The following ABI3BP variants were observed in gnomAD, a reference collection of about 807,000 sequenced individuals.
ABI3BP encodes the protein target of Nesh-SH3.
Under a neutral mutation model 268.6 loss-of-function variants are expected in ABI3BP, and 216 were observed. The ratio of observed to expected loss-of-function variants is 0.80; its 90% confidence interval spans 0.72 to 0.90. The LOEUF (loss-of-function observed/expected upper bound fraction) is 0.90. Ranked by LOEUF, ABI3BP falls within the 40% of genes least tolerant of loss-of-function variation. The pLI is 0.00. For synonymous variants in ABI3BP, 730 were observed against 730.0 expected, an observed-to-expected ratio of 1.00 and a Z score of 0.00; for missense variants, 2,090 against 2,182.4, an observed-to-expected ratio of 0.96 and a Z score of 0.84.
At chr3:100,962,521 T>C (rs936213127) in intron 1 of ABI3BP, among the ~76,000 whole-genome samples, 1 of 152,216 alleles carries the variant, frequency 6.6e-6, no homozygotes, top group Non-Finnish European at 1.5e-5. Flanking sequence ...TTGCTCCCTC[T>C]TCTCTCCTTC....
At chr3:100,854,566 G>C (rs1197014966) in intron 14 of ABI3BP, among the ~76,000 whole-genome samples, 5 of 152,166 alleles carry the variant, frequency 3.3e-5, no homozygotes, top group African/African-American at 1.2e-4. Flanking sequence ...AGAGTTAAGG[G>C]TGAACCCTTC....
chr3:100,878,806 C>T (rs1430109730), intron 6 of ABI3BP, among the ~76,000 whole-genome samples: 3 of 96,978 alleles, frequency 3.1e-5, no homozygotes, highest in East Asian at 3.3e-4. Flanking sequence ...CCAGCAAAAG[C>T]GTTGCTGGCA....
At chr3:100,990,030 A>T (rs1406694051) in intron 1 of ABI3BP, among the ~76,000 whole-genome samples, 1 of 152,200 alleles carries the variant, frequency 6.6e-6, no homozygotes. Context: ...TCCACAGGGT[A>T]ATGTTGGCCA....
chr3:100,829,805 CT>C, intron 32 of ABI3BP, 141 bp from the exon 33 acceptor site: 1 of 596,586 alleles, frequency 1.7e-6, no homozygotes, highest in Non-Finnish European at 2.9e-6. Context: ...AATACAGTGT[CT>C]CTTTTTATCA....
chr3:100,931,331 G>A (rs895919430), intron 1 of ABI3BP, among the ~76,000 whole-genome samples: 1 of 151,982 alleles, frequency 6.6e-6, no homozygotes, highest in African/African-American at 2.4e-5. Context: ...ACATAGTACT[G>A]GAAGTCTTAG....
Position 100,813,668 on chromosome 3 carries a change from A to G in ABI3BP, c.3357T>C (p.Ser1119=). 1 of 1,534,938 alleles carries G rather than the reference A, an allele frequency of 6.5e-7. No homozygotes were observed. Among genetic ancestry groups the G allele is most frequent in the East Asian group, 2.4e-5 (1 of 40,870 alleles). ...ATAAAACAATCTATTTACCAGGTTG[A>G]CTTTCTGTCATTTCTAGGCTTGGTG... is the stretch of plus-strand genomic sequence containing the variant. ...VTSPSLEMTE[S]QPVSDVLESV... is the part of the protein sequence containing the mutation. Residue 1119 remains serine, a synonymous_variant, in exon 45 of 68, where the codon AGT becomes AGC. Transcript: ENST00000471714.
intron 21 of ABI3BP, 58 bp from the exon 22 acceptor site, chr3:100,840,916 G>A: frequency 1.2e-5 from 16 of 1,387,174 alleles, no homozygotes; most frequent in Non-Finnish European, 1.5e-5. Flanking sequence ...AAAATGACAT[G>A]TATTTAAAAC....
chr3:100,776,898 G>A (rs1397613001), intron 59 of ABI3BP, among the ~76,000 whole-genome samples: 1 of 152,160 alleles, frequency 6.6e-6, no homozygotes, highest in African/African-American at 2.4e-5. Flanking sequence ...TCTGGAGGGG[G>A]CCCCCAAGTG....
intron 1 of ABI3BP, among the ~76,000 whole-genome samples, chr3:100,968,173 T>C (rs1280217579): frequency 3.3e-5 from 5 of 152,210 alleles, no homozygotes; most frequent in African/African-American, 4.8e-5. Flanking sequence ...TACTATAATA[T>C]ACAGCTTTGA....
intron 4 of ABI3BP, among the ~76,000 whole-genome samples, chr3:100,897,503 T>G (rs1473414423): frequency 6.6e-6 from 1 of 152,184 alleles, no homozygotes; most frequent in African/African-American, 2.4e-5. Flanking sequence ...GAATGAATTA[T>G]TGATATCCGC....
intron 2 of ABI3BP, among the ~76,000 whole-genome samples, chr3:100,915,512 T>C (rs1257234171): frequency 1.3e-5 from 2 of 151,964 alleles, no homozygotes; most frequent in Non-Finnish European, 2.9e-5. Flanking sequence ...GGATGGGAAG[T>C]AGAAGGCAGC....
chr3:100,775,042 G>A (rs780496650), intron 60 of ABI3BP, among the ~76,000 whole-genome samples, 165 bp downstream of exon 60: 3 of 152,252 alleles, frequency 2.0e-5, no homozygotes, highest in South Asian at 2.1e-4. Flanking sequence ...CTCTATAAGG[G>A]AGTGTTGAAA....
chr3:100,840,741 A>G (rs1296412791), intron 22 of ABI3BP, 79 bp downstream of exon 22: 1 of 1,280,342 alleles, frequency 7.8e-7, no homozygotes, highest in Non-Finnish European at 1.1e-6. Context: ...GTATTAATTC[A>G]TTAATGTGAG....
rs552258119 is a variant in ABI3BP at position 100,829,276 on chromosome 3, A to C, written c.2542+305T>G. On this transcript the variant is annotated intron_variant, in intron 33 of 67. Transcript: ENST00000471714. ...TGCCTTAGATCCTTATTTGTGACTTACGTGACTCCTATAGTTAACAAGAAA... is the reference window on the plus strand; with the variant it reads ...TGCCTTAGATCCTTATTTGTGACTTCCGTGACTCCTATAGTTAACAAGAAA... Among the ~76,000 whole-genome samples the C allele has an allele frequency of 6.6e-5, 10 of 152,282 alleles. No individual in the cohort carries two copies. The South Asian group carries it at 1.9e-3, about 28-fold the overall frequency.
rs1183154170 is a variant in ABI3BP, at chr3:100,922,552, G to GCGA, written c.259+3749_259+3750insTCG. On this transcript the variant is annotated intron_variant, in intron 2 of 67. Coordinates refer to ENST00000471714, the MANE Select transcript of ABI3BP (RefSeq NM_001375547.2). ...GGTGATGGTGATGGTGATGGTGATG[G>GCGA]TGATGGCGATGGCGATGGCGATGGT... Among the ~76,000 whole-genome samples, 121 of 151,704 alleles carry GCGA rather than the reference G, an allele frequency of 8.0e-4. No individual in the cohort carries two copies. The Middle Eastern group carries it at 0.01, about 13-fold the overall frequency.
intron 1 of ABI3BP, among the ~76,000 whole-genome samples, chr3:100,941,982 A>G (rs897957958): frequency 2.6e-5 from 4 of 152,122 alleles, no homozygotes; most frequent in African/African-American, 9.7e-5. Flanking sequence ...ATGATCATAT[A>G]TAGGTATTTG....
intron 6 of ABI3BP, among the ~76,000 whole-genome samples, chr3:100,883,346 T>A (rs2040355438): frequency 6.6e-6 from 1 of 152,130 alleles, no homozygotes. Context: ...CAAAAATGTC[T>A]ATGAGCAAAC....
In ABI3BP at chr3:100,926,392, C is replaced by T; in HGVS notation, c.169G>A (p.Glu57Lys). 6.2e-7 allele frequency: 1 copy of T among 1,613,476 alleles called. No individual in the cohort carries two copies. The highest frequency in any genetic ancestry group is 8.5e-7 in the Non-Finnish European group (1 of 1,179,566). Residue 57 changes from glutamate (E) to lysine (K), a missense_variant, in exon 2 of 68, where the codon GAA (glutamate) becomes AAA (lysine). Transcript: ENST00000471714. Reference protein sequence around the residue: ...FLRPSPNVKLEGLLLGYGSNV... With the variant: ...FLRPSPNVKLKGLLLGYGSNV... Reference sequence around the variant, plus strand: ...CTGCCATATCCCAGGAGAAGACCTTCAAGCTTTACATTTGGACTTGGACGC... The same window carrying T: ...CTGCCATATCCCAGGAGAAGACCTTTAAGCTTTACATTTGGACTTGGACGC...
intron 4 of ABI3BP, among the ~76,000 whole-genome samples, chr3:100,891,152 T>A (rs1203026108): frequency 1.3e-5 from 2 of 152,184 alleles, no homozygotes; most frequent in Non-Finnish European, 2.9e-5. Context: ...AGGATCATGA[T>A]AAGGCAAATG....
Sources: gnomAD v4.1 joint callset for allele counts (sites outside exome capture counted in the v4.1 genomes callset) on GRCh38, gnomAD v4.1.1 for gene constraint, MANE v1.5 for transcripts, NCBI Gene and HGNC (gene_info 2026-07-23, HGNC 2026-07-21) for gene names.